Variants in QRICH1 observed in about 807,000 individuals in gnomAD.
The protein encoded by QRICH1 is transcriptional regulator QRICH1.
A neutral mutation model predicts 87.1 loss-of-function variants in QRICH1; 16 were observed. The ratio of observed to expected loss-of-function variants is 0.18; its 90% CI spans 0.12 to 0.28. QRICH1 has a LOEUF of 0.28. QRICH1 is among the 10% of genes least tolerant of loss of function. QRICH1 has a pLI of 1.00. For synonymous variants in QRICH1, 367 were observed against 368.4 expected, an observed-to-expected ratio of 1.00 and a Z score of 0.05; for missense variants, 647 against 951.7, an observed-to-expected ratio of 0.68 and a Z score of 4.21.
intron 2 of QRICH1, among the ~76,000 whole-genome samples, chr3:49,061,217 C>T (rs1357945596): frequency 2.0e-5 from 3 of 150,432 alleles, no homozygotes; most frequent in African/African-American, 2.4e-5. Flanking sequence ...AAAGCACCAC[C>T]CCCATCAATG....
At chr3:49,039,715 T>C (rs971129885) in intron 6 of QRICH1, among the ~76,000 whole-genome samples, 2 of 150,690 alleles carry the variant, frequency 1.3e-5, no homozygotes, top group African/African-American at 4.9e-5. Flanking sequence ...ACATAAGGTT[T>C]AAAATGGAAA....
intron 1 of QRICH1, among the ~76,000 whole-genome samples, chr3:49,080,455 T>C (rs2042036570): frequency 1.3e-5 from 2 of 150,454 alleles, no homozygotes. Context: ...CCCAACGGAG[T>C]AGATGGGAAT....
intron 2 of QRICH1, among the ~76,000 whole-genome samples, 156 bp downstream of exon 2, chr3:49,076,550 AAGG>A (rs777556889): frequency 9.8e-5 from 15 of 152,288 alleles, no homozygotes; most frequent in Non-Finnish European, 2.1e-4. Flanking sequence ...CTTAAAGAAA[AAGG>A]AGAAGAAAGA....
chr3:49,053,579 ATAGGG>A (rs754206478), intron 3 of QRICH1, among the ~76,000 whole-genome samples: 4 of 151,804 alleles, frequency 2.6e-5, no homozygotes, highest in Non-Finnish European at 4.4e-5. Flanking sequence ...TGAACTGGCT[ATAGGG>A]GGGTCACTGC....
intron 2 of QRICH1, 119 bp from the exon 3 acceptor site, chr3:49,058,009 A>AT (rs2106908228): frequency 6.5e-7 from 1 of 1,539,102 alleles, no homozygotes; most frequent in South Asian, 1.2e-5. Flanking sequence ...AAACACTGGC[A>AT]TACTCAAGGC....
At chr3:49,047,507 G>A (rs2093345665) in intron 3 of QRICH1, among the ~76,000 whole-genome samples, 2 of 146,564 alleles carry the variant, frequency 1.4e-5, no homozygotes. Context: ...TTTTGAGACG[G>A]AGTTTTCCTC....
At chr3:49,077,078 A>G (rs2041966130) in intron 1 of QRICH1, 40 bp from the exon 2 acceptor site, 1 of 1,282,410 alleles carries the variant, frequency 7.8e-7, no homozygotes, top group African/African-American at 1.5e-5. Flanking sequence ...TACTGTTTTT[A>G]GCAGGAAATG....
chr3:49,082,372 T>C (rs949461577), intron 1 of QRICH1, among the ~76,000 whole-genome samples: 2 of 152,152 alleles, frequency 1.3e-5, no homozygotes, highest in African/African-American at 4.8e-5. Context: ...AAGATATGAT[T>C]AAAACAATTC....
At chr3:49,064,478 CAT>C (rs1169522512) in intron 2 of QRICH1, among the ~76,000 whole-genome samples, 1 of 151,934 alleles carries the variant, frequency 6.6e-6, no homozygotes, top group Non-Finnish European at 1.5e-5. Context: ...GTCTTGAACT[CAT>C]ATCCTCAAGC....
intron 1 of QRICH1, 65 bp downstream of exon 1, chr3:49,093,847 T>G (rs1158295455): frequency 2.6e-5 from 7 of 273,122 alleles, no homozygotes; most frequent in Middle Eastern, 1.0e-3. Context: ...CGCCGTTGTG[T>G]GGGGTGGGCC....
At chr3:49,075,385 C>T (rs895872994) in intron 2 of QRICH1, among the ~76,000 whole-genome samples, 2 of 150,924 alleles carry the variant, frequency 1.3e-5, no homozygotes, top group African/African-American at 4.9e-5. Context: ...AATCCTAGCA[C>T]TTTGGGAGCC....
At chr3:49,039,434 A>G (rs1413673068) in intron 6 of QRICH1, among the ~76,000 whole-genome samples, 1 of 151,844 alleles carries the variant, frequency 6.6e-6, no homozygotes, top group South Asian at 2.1e-4. Flanking sequence ...AAATCCCAGC[A>G]CTTCGGGAGG....
chr3:49,043,920 G>A (rs750557308), intron 6 of QRICH1, among the ~76,000 whole-genome samples: 3 of 152,172 alleles, frequency 2.0e-5, no homozygotes, highest in Admixed American at 6.5e-5. Context: ...TAGGAGGATC[G>A]CTTGAGTTCA....
intron 6 of QRICH1, among the ~76,000 whole-genome samples, chr3:49,041,126 C>T (rs945607628): frequency 2.6e-5 from 4 of 151,976 alleles, no homozygotes; most frequent in African/African-American, 7.3e-5. Context: ...TGCCACCACA[C>T]GCAGCTAATT....
chr3:49,074,430 G>A (rs1234494881), intron 2 of QRICH1, among the ~76,000 whole-genome samples: 1 of 151,668 alleles, frequency 6.6e-6, no homozygotes, highest in Non-Finnish European at 1.5e-5. Flanking sequence ...AAATTAGCCA[G>A]GCATGGTGGC....
chr3:49,087,947 AT>A (rs1313324050), intron 1 of QRICH1, among the ~76,000 whole-genome samples: 10 of 145,478 alleles, frequency 6.9e-5, no homozygotes, highest in Non-Finnish European at 1.2e-4. Flanking sequence ...TATTCATTTT[AT>A]TTCATTTATT....
At chr3:49,033,079 C>T in intron 7 of QRICH1, 41 bp downstream of exon 7, 1 of 1,380,174 alleles carries the variant, frequency 7.2e-7, no homozygotes, top group African/African-American at 1.5e-5. Flanking sequence ...CCACACTCTT[C>T]ACTGGACAGA....
intron 3 of QRICH1, among the ~76,000 whole-genome samples, chr3:49,054,583 T>A (rs1457724148): frequency 1.3e-5 from 2 of 151,870 alleles, no homozygotes; most frequent in East Asian, 3.9e-4. Flanking sequence ...GTTCCATTCT[T>A]TTGTTTATCT....
Position 49,030,541 on chromosome 3 carries a change from C to G in QRICH1, c.2242G>C (p.Glu748Gln), listed in dbSNP as rs1294847509. Residue 748 changes from glutamate to glutamine, a missense_variant, in exon 10 of 10, where the codon GAG (glutamate) becomes CAG (glutamine). Around this residue, in one of 7 missense-constraint regions of QRICH1, gnomAD observed 56 missense variants for 79.4 expected, o/e 0.71. Transcript: ENST00000395443. ...IWYSVQPISREQMGQMLTRIL... is the reference protein window; with the variant it reads ...IWYSVQPISRQQMGQMLTRIL... ...CGCGTCAGCATTTGTCCCATCTGCTCTCTGCTGATAGGCTGGACTGAGTAC... is the reference window on the plus strand; with the variant it reads ...CGCGTCAGCATTTGTCCCATCTGCTGTCTGCTGATAGGCTGGACTGAGTAC... 1 of 1,613,950 alleles carries G rather than the reference C, an allele frequency of 6.2e-7. No individual in the cohort carries two copies. The highest frequency in any genetic ancestry group is 8.5e-7 in the Non-Finnish European group (1 of 1,179,962).
Sources: gnomAD v4.1 joint callset for allele counts (sites outside exome capture counted in the v4.1 genomes callset) on GRCh38, gnomAD v4.1.1 for gene constraint, gnomAD v4.1.1 regional missense constraint, MANE v1.5 for transcripts, NCBI Gene and HGNC (gene_info 2026-07-23, HGNC 2026-07-21) for gene names.